Variants in NAALADL2 observed in about 807,000 individuals in gnomAD.
NAALADL2 encodes the protein N-acetylated alpha-linked acidic dipeptidase like 2.
A neutral mutation model predicts 87.2 loss-of-function variants in NAALADL2; 76 were observed. The ratio of observed to expected loss-of-function variants is 0.87; its 90% confidence interval spans 0.72 to 1.05. The LOEUF is 1.05. NAALADL2 is among the 50% of genes least tolerant of loss of function. The probability of loss-of-function intolerance (pLI) is 0.00; values close to 1 mark genes in which losing one functional copy is unlikely to be tolerated. For synonymous variants in NAALADL2, 354 were observed against 331.0 expected (o/e 1.07, Z -0.75); for missense variants, 1,089 against 945.8 (o/e 1.15, Z -1.99).
intron 1 of NAALADL2, among the ~76,000 whole-genome samples, chr3:175,040,027 A>G (rs563940744): frequency 1.3e-5 from 2 of 152,182 alleles, no homozygotes; most frequent in Middle Eastern, 3.2e-3. Flanking sequence ...GCGCACAGGC[A>G]TATGTGCACA....
intron 2 of NAALADL2, among the ~76,000 whole-genome samples, chr3:174,670,211 A>G (rs1275488589): frequency 9.4e-6 from 1 of 106,708 alleles, no homozygotes; most frequent in East Asian, 2.8e-4. Flanking sequence ...TTCTTTTCCA[A>G]TTTAGGTACC....
rs564053372 is a variant in NAALADL2 at position 174,843,817 on chromosome 3, G to T, written c.-9+106071G>T. On this transcript the variant is annotated intron_variant, in intron 3 of 3. Coordinates refer to the NAALADL2 transcript ENST00000434257. The stretch of plus-strand genomic sequence containing the variant: ...TTTTTTCATTTACCTTTGGATATTT[G>T]TATGCCTTCTTTTGAAAAGTGACTA... Among the ~76,000 whole-genome samples the T allele has an allele frequency of 2.0e-5, 3 of 151,962 alleles. No individual in the cohort carries two copies. The South Asian group carries it at 6.2e-4, about 32-fold the overall frequency.
intron 1 of NAALADL2, among the ~76,000 whole-genome samples, chr3:175,069,773 C>T (rs1715249838): frequency 6.6e-6 from 1 of 151,582 alleles, no homozygotes; most frequent in African/African-American, 2.4e-5. Context: ...AAATGTCCAA[C>T]AATGATAGAC....
chr3:175,480,392 C>T (rs1309546875), intron 9 of NAALADL2, among the ~76,000 whole-genome samples: 2 of 151,842 alleles, frequency 1.3e-5, no homozygotes, highest in African/African-American at 4.8e-5. Flanking sequence ...GCAACTCTAA[C>T]TCATTTGTCT....
intron 10 of NAALADL2, among the ~76,000 whole-genome samples, chr3:175,619,236 AAAGG>A (rs1553933925): frequency 4.7e-4 from 67 of 142,410 alleles, no homozygotes; most frequent in South Asian, 1.2e-3. Context: ...AGAAAGAAAG[AAAGG>A]AAGGAAGGAA....
chr3:174,906,718 T>A (rs1365204639), intron 1 of NAALADL2, among the ~76,000 whole-genome samples: 1 of 152,204 alleles, frequency 6.6e-6, no homozygotes, highest in East Asian at 1.9e-4. Context: ...TGAGAAACCT[T>A]GATCCAGAAG....
chr3:175,565,104 T>C lies in NAALADL2; in HGVS notation c.1654-10937T>C, dbSNP rs529682497. Among the ~76,000 whole-genome samples, 8 of 152,346 alleles carry C rather than the reference T, an allele frequency of 5.3e-5. No homozygotes were observed. The South Asian group carries it at 1.4e-3, about 28-fold the overall frequency. ...TCTATAAGTTGAGGAACTTATTCCT[T>C]GTTCCCTTAGCTAAATGGGAGGAAA... On this transcript the variant is annotated intron_variant, in intron 9 of 13. Transcript: ENST00000454872.
rs374168366 is a variant in NAALADL2 at position 174,987,426 on chromosome 3, G to A, written c.44-109364G>A. On this transcript the variant is annotated intron_variant, in intron 1 of 13. Transcript: ENST00000454872. The stretch of plus-strand genomic sequence containing the variant: ...CTACTAAAAATACAAAAAATTAGCC[G>A]GGCGTAGTGGCGGGCGCCTGTAGTC... Among the ~76,000 whole-genome samples, 6 of 148,184 alleles carry A rather than the reference G, an allele frequency of 4.0e-5. No homozygotes were observed. The South Asian group carries it at 1.1e-3, about 27-fold the overall frequency.
chr3:174,980,496 G>C (rs1247514449), intron 1 of NAALADL2, among the ~76,000 whole-genome samples: 1 of 152,074 alleles, frequency 6.6e-6, no homozygotes, highest in African/African-American at 2.4e-5. Flanking sequence ...GGGAAACATA[G>C]TGAGAATTGG....
chr3:175,613,123 T>C (rs1418293457), intron 10 of NAALADL2, among the ~76,000 whole-genome samples: 1 of 152,174 alleles, frequency 6.6e-6, no homozygotes, highest in Non-Finnish European at 1.5e-5. Flanking sequence ...TAAATAGTTA[T>C]AGAATCATCT....
chr3:174,774,018 C>T (rs1329439202), intron 3 of NAALADL2, among the ~76,000 whole-genome samples: 2 of 152,104 alleles, frequency 1.3e-5, no homozygotes, highest in South Asian at 4.1e-4. Context: ...AAGACCTCTT[C>T]CATTGGGTAC....
chr3:174,546,942 C>CT (rs947716038), intron 1 of NAALADL2, among the ~76,000 whole-genome samples: 16 of 151,954 alleles, frequency 1.1e-4, no homozygotes, highest in Admixed American at 2.0e-4. Flanking sequence ...ATGTGTAGTA[C>CT]TTTTTTTGAA....
intron 5 of NAALADL2, among the ~76,000 whole-genome samples, chr3:175,381,129 G>T (rs1767734270): frequency 6.6e-6 from 1 of 151,778 alleles, no homozygotes; most frequent in Non-Finnish European, 1.5e-5. Context: ...GTTCAGATCA[G>T]ATTAATAAAA....
chr3:174,534,833 T>A (rs1721584723), intron 1 of NAALADL2, among the ~76,000 whole-genome samples: 1 of 152,112 alleles, frequency 6.6e-6, no homozygotes, highest in South Asian at 2.1e-4. Context: ...AAAAAAGTGA[T>A]TTGTTTGGGA....
In NAALADL2 at chr3:175,335,379, G is replaced by A. The variant is rs532920831; in HGVS notation, c.1090+11054G>A. Among the ~76,000 whole-genome samples the A allele has an allele frequency of 5.9e-5, 9 of 152,236 alleles. No individual in the cohort carries two copies. The East Asian group carries it at 1.5e-3, about 26-fold the overall frequency. Reference sequence around the variant, plus strand: ...ACAGTGTGATGTTTGAAAAAATTCGGTGGTTATAGATCATCCATGAGATAG... The same window carrying A: ...ACAGTGTGATGTTTGAAAAAATTCGATGGTTATAGATCATCCATGAGATAG... On this transcript the variant is annotated intron_variant, in intron 5 of 13. Coordinates refer to ENST00000454872, the MANE Select transcript of NAALADL2 (RefSeq NM_207015.3).
intron 1 of NAALADL2, among the ~76,000 whole-genome samples, chr3:174,946,263 A>G (rs11920358): frequency 0.041 from 6,255 of 152,064 alleles, 439 homozygotes; most frequent in African/African-American, 0.14. Flanking sequence ...TATAATATAC[A>G]TTAGGTCTTT....
At chr3:175,196,414 G>A (rs555428788) in intron 2 of NAALADL2, among the ~76,000 whole-genome samples, 44 of 151,884 alleles carry the variant, frequency 2.9e-4, no homozygotes, top group African/African-American at 1.0e-3. Context: ...CTTTCTCCAG[G>A]CATCTTCCTA....
intron 2 of NAALADL2, among the ~76,000 whole-genome samples, chr3:175,161,345 G>A (rs1279988089): frequency 6.6e-6 from 1 of 152,080 alleles, no homozygotes; most frequent in Non-Finnish European, 1.5e-5. Context: ...ATTGAAAGAT[G>A]GGTGTGGAGG....
At chr3:175,771,850 A>G (rs149819979) in intron 13 of NAALADL2, among the ~76,000 whole-genome samples, 2 of 152,302 alleles carry the variant, frequency 1.3e-5, no homozygotes, top group Non-Finnish European at 2.9e-5. Flanking sequence ...ACAGGTCAGC[A>G]TGGCTGTGGA....
Sources: allele counts gnomAD v4.1 joint callset (sites outside exome capture counted in the v4.1 genomes callset), GRCh38; gene constraint gnomAD v4.1.1; transcripts MANE v1.5; gene names NCBI Gene and HGNC (gene_info 2026-07-23, HGNC 2026-07-21).